The following NTM variants were observed in gnomAD, a reference collection of about 807,000 sequenced individuals.
NTM encodes neurotrimin.
A neutral mutation model predicts 42.1 loss-of-function variants in NTM; 13 were observed. The observed-to-expected ratio is 0.31, with a 90% CI of 0.20 to 0.49. The LOEUF is 0.49. Among genes scored for constraint, NTM ranks in the 20% least tolerant of loss-of-function variants. The pLI is 0.99. For missense variants in NTM, 373 were observed against 452.8 expected (o/e 0.82, Z 1.60); for synonymous variants, 187 against 179.2 (o/e 1.04, Z -0.35).
At chr11:131,657,585 G>A (rs1315379399) in intron 1 of NTM, among the ~76,000 whole-genome samples, 1 of 152,188 alleles carries the variant, frequency 6.6e-6, no homozygotes, top group African/African-American at 2.4e-5. Context: ...GCCTACCTCT[G>A]TCTTGTCAAT....
intron 1 of NTM, among the ~76,000 whole-genome samples, chr11:131,383,694 A>G (rs747660619): frequency 6.6e-5 from 10 of 152,142 alleles, no homozygotes; most frequent in Non-Finnish European, 1.3e-4. Context: ...TTCATTGAAG[A>G]TTTTATACTG....
chr11:131,441,655 G>A (rs1031053587), intron 1 of NTM, among the ~76,000 whole-genome samples: 8 of 152,152 alleles, frequency 5.3e-5, no homozygotes, highest in African/African-American at 1.9e-4. Flanking sequence ...AAACCCATAT[G>A]AATGAATTTT....
chr11:131,726,663 T>C (rs1591445871), intron 1 of NTM, among the ~76,000 whole-genome samples: 1 of 151,392 alleles, frequency 6.6e-6, no homozygotes, highest in African/African-American at 2.5e-5. Flanking sequence ...TTTCCTGCCT[T>C]GTAAATAGGC....
At chr11:131,961,720 C>G (rs188821076) in intron 2 of NTM, among the ~76,000 whole-genome samples, 30 of 152,228 alleles carry the variant, frequency 2.0e-4, no homozygotes, top group Non-Finnish European at 2.9e-4. Context: ...CATCAATAGC[C>G]CTGAGAGGGG....
chr11:131,680,723 G>GC (rs1565415146), intron 1 of NTM, among the ~76,000 whole-genome samples: 4 of 132,928 alleles, frequency 3.0e-5, no homozygotes, highest in African/African-American at 8.2e-5. Context: ...GTGTGCATAT[G>GC]TTTGCATAGG....
chr11:131,695,361 A>C (rs1224370819), intron 1 of NTM, among the ~76,000 whole-genome samples: 1 of 152,144 alleles, frequency 6.6e-6, no homozygotes, highest in African/African-American at 2.4e-5. Flanking sequence ...GCTAGCTCAG[A>C]AAGGTTTCCT....
intron 1 of NTM, among the ~76,000 whole-genome samples, chr11:131,696,826 C>T (rs965117306): frequency 2.0e-5 from 3 of 150,586 alleles, no homozygotes; most frequent in African/African-American, 7.5e-5. Flanking sequence ...AAACCACAAC[C>T]CTTGCCAATA....
At chr11:132,317,599 A>G (rs1023521177) in intron 7 of NTM, 9 of 1,040,172 alleles carry the variant, frequency 8.7e-6, no homozygotes, top group African/African-American at 6.6e-5. Flanking sequence ...AGCACTGTAT[A>G]TAATATATGT....
In NTM at chr11:131,789,540, AAGAAGAAAAGAAGAAGAAGAAG is replaced by A. The variant is rs1565551798; in HGVS notation, c.83-122022_83-122001del. On this transcript the variant is annotated intron_variant, in intron 1 of 8. Coordinates refer to ENST00000683400, the MANE Select transcript of NTM (RefSeq NM_001352005.2). Reference sequence around the variant, plus strand: ...GAAGAAGAAGAAGAAGAAGAAGAAGAAGAAGAAAAGAAGAAGAAGAAGAAGAAGAAGAAGAAGAAGAAGAAGA... The same window carrying A: ...GAAGAAGAAGAAGAAGAAGAAGAAGAAAGAAGAAGAAGAAGAAGAAGAAGA... Among the ~76,000 whole-genome samples, 14 of 27,746 alleles carry A rather than the reference AAGAAGAAAAGAAGAAGAAGAAG, an allele frequency of 5.0e-4. 4 individuals are homozygous for A. The highest frequency in any genetic ancestry group is 5.6e-4 in the Non-Finnish European group (9 of 16,144). The allele number at this position is 27,746 out of a possible 152,430, so 18.2% of individuals were successfully genotyped here.
chr11:132,289,463 C>T (rs537123304), intron 4 of NTM, among the ~76,000 whole-genome samples: 22 of 152,230 alleles, frequency 1.4e-4, no homozygotes, highest in African/African-American at 5.3e-4. Flanking sequence ...TCTTGAGCTC[C>T]TTCTCTCCGT....
chr11:132,046,097 A>G (rs1486920609), intron 2 of NTM, among the ~76,000 whole-genome samples: 1 of 152,198 alleles, frequency 6.6e-6, no homozygotes, highest in Non-Finnish European at 1.5e-5. Flanking sequence ...CAACATATTC[A>G]AGCCTCAATT....
At chr11:131,597,537 G>A (rs946028039) in intron 1 of NTM, among the ~76,000 whole-genome samples, 2 of 152,118 alleles carry the variant, frequency 1.3e-5, no homozygotes, top group Admixed American at 6.5e-5. Flanking sequence ...ACATATCAAG[G>A]CCTAAGGCGC....
chr11:131,578,530 A>T (rs1249839499), intron 1 of NTM, among the ~76,000 whole-genome samples: 1 of 152,192 alleles, frequency 6.6e-6, no homozygotes, highest in African/African-American at 2.4e-5. Context: ...GGGGAGCTAC[A>T]TACATAAAAT....
intron 2 of NTM, among the ~76,000 whole-genome samples, chr11:132,127,270 G>T (rs1382792929): frequency 6.6e-6 from 1 of 152,228 alleles, no homozygotes; most frequent in Non-Finnish European, 1.5e-5. Context: ...AATGAATACA[G>T]CTCAATATGC....
At chr11:131,659,769 G>T (rs187898054) in intron 1 of NTM, among the ~76,000 whole-genome samples, 16 of 152,264 alleles carry the variant, frequency 1.1e-4, no homozygotes, top group African/African-American at 3.9e-4. Flanking sequence ...ATCTCTTTGG[G>T]GGATGCAGCA....
chr11:131,375,620 G>C (rs1941862193), intron 1 of NTM, among the ~76,000 whole-genome samples: 1 of 152,160 alleles, frequency 6.6e-6, no homozygotes, highest in African/African-American at 2.4e-5. Context: ...GCTTCAGTGT[G>C]GGACTGCAGC....
chr11:131,374,054 G>C (rs1941610414), intron 1 of NTM, among the ~76,000 whole-genome samples: 1 of 152,206 alleles, frequency 6.6e-6, no homozygotes, highest in African/African-American at 2.4e-5. Flanking sequence ...TGGCAGACGA[G>C]ACCATAGCAA....
chr11:131,887,268 A>G (rs2050562193), intron 1 of NTM, among the ~76,000 whole-genome samples: 1 of 152,234 alleles, frequency 6.6e-6, no homozygotes. Context: ...GAATATATAC[A>G]GTTTTATTTG....
intron 4 of NTM, among the ~76,000 whole-genome samples, chr11:132,259,276 GA>G (rs906228986): frequency 1.2e-4 from 18 of 150,204 alleles, no homozygotes; most frequent in South Asian, 6.3e-4. Flanking sequence ...AAATTTAAAA[GA>G]AAAAAAAAGA....
Sources: gnomAD v4.1 joint callset for allele counts (sites outside exome capture counted in the v4.1 genomes callset) on GRCh38, gnomAD v4.1.1 for gene constraint, MANE v1.5 for transcripts, NCBI Gene and HGNC (gene_info 2026-07-23, HGNC 2026-07-21) for gene names.